The following TKT variants were observed in gnomAD, a reference collection of about 807,000 sequenced individuals.
TKT encodes epididymis luminal protein 107.
Under a neutral mutation model 63.9 loss-of-function variants are expected in TKT, and 47 were observed. The observed-to-expected ratio is 0.74, with a 90% CI of 0.58 to 0.94. The LOEUF is 0.94. Among genes scored for constraint, TKT ranks in the 40% least tolerant of loss-of-function variants. TKT has a pLI of 0.00. For missense variants in TKT, 721 were observed against 846.2 expected (o/e 0.85, Z 1.84); for synonymous variants, 338 against 334.1 (o/e 1.01, Z -0.13).
Position 53,242,112 on chromosome 3 carries a change from G to A in TKT, c.225+13C>T, listed in dbSNP as rs1553680003. ...GGCAAGGTGTGGCTGGCAGTGGGCA[G>A]CTGGGCTCTTACCTTGGAGAGCACA... On this transcript the variant is annotated intron_variant, in intron 2 of 13. Coordinates refer to ENST00000462138, the MANE Select transcript of TKT (RefSeq NM_001064.4). 7 of 1,611,866 alleles carry A rather than the reference G, an allele frequency of 4.3e-6. No homozygotes were observed. The Admixed American group carries it at 5.0e-5, about 12-fold the overall frequency.
At chr3:53,255,211 C>G (rs1490077530) in intron 1 of TKT, among the ~76,000 whole-genome samples, 1 of 152,236 alleles carries the variant, frequency 6.6e-6, no homozygotes, top group Admixed American at 6.5e-5. Context: ...CGGACCCAAC[C>G]CAGGGGTGGC....
rs1216525050 is a variant in TKT at position 53,230,456 on chromosome 3, C to A, written c.1107+1G>T. ...CTGTCCCTGCCGGCCCCAGCACCTA[C>A]CATGTTCTGCTCAGCAATGTAGCAC... On this transcript the variant is annotated splice_donor_variant, in intron 8 of 13. Transcript: ENST00000462138. LOFTEE classifies it high-confidence loss of function. The A allele has an allele frequency of 1.2e-6, 2 of 1,614,118 alleles. No homozygotes were observed. Among genetic ancestry groups the A allele is most frequent in the Admixed American group, 1.7e-5 (1 of 60,016 alleles).
At chr3:53,254,287 A>T (rs1490062656) in intron 1 of TKT, among the ~76,000 whole-genome samples, 1 of 152,224 alleles carries the variant, frequency 6.6e-6, no homozygotes, top group Non-Finnish European at 1.5e-5. Context: ...ACCGTGTGCC[A>T]GGCTGGTGAA....
At chr3:53,240,215 A>G in intron 4 of TKT, 36 bp downstream of exon 4, 8 of 1,594,614 alleles carry the variant, frequency 5.0e-6, no homozygotes, top group Middle Eastern at 1.8e-4. Context: ...ACTCCCCAAA[A>G]CTACCCAGGT....
chr3:53,245,179 G>A (rs879963487), intron 1 of TKT, among the ~76,000 whole-genome samples: 1 of 151,716 alleles, frequency 6.6e-6, no homozygotes, highest in African/African-American at 2.4e-5. Flanking sequence ...GGTGGTGGAC[G>A]CCTGTAATCC....
intron 7 of TKT, 150 bp downstream of exon 7, chr3:53,231,207 G>T (rs1553676919): frequency 1.2e-6 from 1 of 841,916 alleles, no homozygotes; most frequent in African/African-American, 1.7e-5. Flanking sequence ...TCATTCTGAG[G>T]GAAGTGACAG....
At chr3:53,243,653 G>A (rs1053133544) in intron 1 of TKT, 13 of 455,972 alleles carry the variant, frequency 2.9e-5, no homozygotes, top group Admixed American at 2.4e-4. Flanking sequence ...CATGGTAAAC[G>A]AGAAACCCTT....
chr3:53,244,163 T>C (rs1195963049), intron 1 of TKT, among the ~76,000 whole-genome samples: 1 of 152,212 alleles, frequency 6.6e-6, no homozygotes, highest in Non-Finnish European at 1.5e-5. Context: ...CAGCCTTTCA[T>C]TCCTTCCAAA....
intron 13 of TKT, 71 bp from the exon 14 acceptor site, chr3:53,226,002 A>G: frequency 6.7e-7 from 1 of 1,483,456 alleles, no homozygotes; most frequent in Non-Finnish European, 9.1e-7. Context: ...GCCCTCTGTC[A>G]GCCTTAGTCA....
chr3:53,246,581 G>A (rs563146847), intron 1 of TKT, among the ~76,000 whole-genome samples: 6 of 152,052 alleles, frequency 3.9e-5, no homozygotes, highest in African/African-American at 7.2e-5. Flanking sequence ...GGCCAGGTGC[G>A]GTGGCTCAAG....
At chr3:53,239,108 C>T (rs1705159571) in intron 4 of TKT, among the ~76,000 whole-genome samples, 1 of 152,092 alleles carries the variant, frequency 6.6e-6, no homozygotes, top group Non-Finnish European at 1.5e-5. Context: ...ACGGGAGTTT[C>T]CCTGCACAAA....
At chr3:53,232,782 G>A (rs1377320996) in intron 6 of TKT, 7 of 411,714 alleles carry the variant, frequency 1.7e-5, no homozygotes, top group Non-Finnish European at 2.6e-5. Context: ...CTGGCTCTGT[G>A]TCGGCCCTTC....
chr3:53,243,337 A>G (rs1390983845), intron 1 of TKT, among the ~76,000 whole-genome samples: 5 of 152,020 alleles, frequency 3.3e-5, no homozygotes, highest in Non-Finnish European at 7.4e-5. Flanking sequence ...AGCTCAGCTC[A>G]GCTCAGCTCA....
At chr3:53,246,264 T>A (rs951038410) in intron 1 of TKT, among the ~76,000 whole-genome samples, 2 of 151,450 alleles carry the variant, frequency 1.3e-5, no homozygotes, top group South Asian at 4.2e-4. Context: ...TGAGACTCCA[T>A]CTCAGGAAAA....
rs369338717 is a variant in TKT, at chr3:53,231,536, C to G, written c.763G>C (p.Glu255Gln). 2.2e-5 allele frequency: 36 copies of G among 1,613,698 alleles called. No individual in the cohort carries two copies. Among genetic ancestry groups the G allele is most frequent in the Non-Finnish European group, 2.9e-5 (34 of 1,179,918 alleles). ...GGGAGGGGCTTCCCATGCCAAGACT[C>G]CTTATCTTCTACCCCTGCAGACCCA... The part of the protein sequence containing the change: ...GRGITGVEDK[E>Q]SWHGKPLPKN... The change falls in exon 7 of 14, where the codon GAG (glutamate) becomes CAG (glutamine). Residue 255 changes from glutamate to glutamine, a missense_variant. By Grantham distance (29) the Glu-to-Gln change is conservative. Coordinates refer to ENST00000462138, the MANE Select transcript of TKT (RefSeq NM_001064.4).
At chr3:53,226,024 G>T in intron 13 of TKT, 93 bp from the exon 14 acceptor site, 1 of 1,245,506 alleles carries the variant, frequency 8.0e-7, no homozygotes, top group Non-Finnish European at 1.1e-6. Context: ...GGATGGAGGA[G>T]GCTGCATATG....
chr3:53,254,824 G>A (rs745788138), intron 1 of TKT, among the ~76,000 whole-genome samples: 28 of 152,316 alleles, frequency 1.8e-4, no homozygotes, highest in Non-Finnish European at 3.2e-4. Context: ...CTGCATGCAC[G>A]GTGGCCCTCA....
At chr3:53,227,887 C>G in intron 12 of TKT, 169 bp downstream of exon 12, 1 of 618,194 alleles carries the variant, frequency 1.6e-6, no homozygotes, top group Non-Finnish European at 2.8e-6. Flanking sequence ...CCAGACAGAA[C>G]AAGTGCTCAA....
At chr3:53,249,195 C>T (rs1267776269) in intron 1 of TKT, among the ~76,000 whole-genome samples, 1 of 148,224 alleles carries the variant, frequency 6.7e-6, no homozygotes, top group Non-Finnish European at 1.5e-5. Flanking sequence ...GTCTCGAACT[C>T]CTGACCTCAA....
Sources: allele counts gnomAD v4.1 joint callset (sites outside exome capture counted in the v4.1 genomes callset), GRCh38; gene constraint gnomAD v4.1.1; transcripts MANE v1.5; gene names NCBI Gene and HGNC (gene_info 2026-07-23, HGNC 2026-07-21).